ADGRL3: variants seen among roughly 807,000 people sequenced by gnomAD.
The protein encoded by ADGRL3 is calcium-independent alpha-latrotoxin receptor 3.
Under a neutral mutation model 153.5 loss-of-function variants are expected in ADGRL3, and 62 were observed. The observed-to-expected ratio is 0.40, with a 90% confidence interval of 0.33 to 0.50. The LOEUF is 0.50. Among genes scored for constraint, ADGRL3 ranks in the 20% least tolerant of loss-of-function variants. The pLI, the probability that ADGRL3 is intolerant of heterozygous loss-of-function variation, is 0.47. For missense variants in ADGRL3, 1,641 were observed against 1,859.4 expected (o/e 0.88, Z 2.16); for synonymous variants, 710 against 672.5 (o/e 1.06, Z -0.86).
chr4:61,544,099 G>A (rs1365286210), intron 4 of ADGRL3, among the ~76,000 whole-genome samples: 1 of 152,108 alleles, frequency 6.6e-6, no homozygotes, highest in Admixed American at 6.5e-5. Flanking sequence ...GTTTCCTTGG[G>A]AATATATTTA....
intron 8 of ADGRL3, among the ~76,000 whole-genome samples, chr4:61,744,609 T>G (rs1446236764): frequency 2.6e-5 from 4 of 152,222 alleles, no homozygotes; most frequent in Non-Finnish European, 2.9e-5. Flanking sequence ...AAACAGGGTC[T>G]GGAGTGGACT....
At chr4:62,029,037 A>G (rs1041634970) in intron 22 of ADGRL3, among the ~76,000 whole-genome samples, 156 bp downstream of exon 22, 1 of 151,782 alleles carries the variant, frequency 6.6e-6, no homozygotes, top group Non-Finnish European at 1.5e-5. Flanking sequence ...TACAACCTAT[A>G]TGCAGAATAA....
At chr4:61,753,556 G>C (rs978735677) in intron 8 of ADGRL3, among the ~76,000 whole-genome samples, 1 of 152,126 alleles carries the variant, frequency 6.6e-6, no homozygotes, top group Admixed American at 6.5e-5. Flanking sequence ...AAGAGGGTGA[G>C]AGAAAAACTG....
chr4:62,021,570 A>AT (rs1205864506), intron 21 of ADGRL3, among the ~76,000 whole-genome samples: 3 of 152,072 alleles, frequency 2.0e-5, no homozygotes, highest in South Asian at 4.1e-4. Context: ...CAGACATTGC[A>AT]TTTTTTACAA....
intron 5 of ADGRL3, among the ~76,000 whole-genome samples, chr4:61,642,257 A>G (rs529089907): frequency 6.6e-6 from 1 of 151,998 alleles, no homozygotes; most frequent in Non-Finnish European, 1.5e-5. Context: ...CTCTGATGGC[A>G]GTTTCTTTTG....
At chr4:61,213,560 C>A (rs577016483) in intron 1 of ADGRL3, among the ~76,000 whole-genome samples, 5 of 152,186 alleles carry the variant, frequency 3.3e-5, no homozygotes, top group African/African-American at 1.2e-4. Context: ...AACATACTGG[C>A]ATACCACTGT....
At position 61,647,141 on chromosome 4, in the gene ADGRL3, G is replaced by A. The variant is rs192598419; in HGVS notation, c.474-29685G>A. 7.4e-4 allele frequency among the ~76,000 whole-genome samples: 113 copies of A among 152,096 alleles called. 1 individual carries two copies. The highest frequency in any genetic ancestry group is 2.5e-3 in the African/African-American group (102 of 41,536). On this transcript the variant is annotated intron_variant, in intron 5 of 26. Coordinates refer to ENST00000683033, the MANE Select transcript of ADGRL3 (RefSeq NM_001387552.1). Reference sequence around the variant, plus strand: ...TGCCTCGCCCTGCTTCAGCTCCTGCGCGGTGCACTGCACCCACTGGCCTGC... The same window carrying A: ...TGCCTCGCCCTGCTTCAGCTCCTGCACGGTGCACTGCACCCACTGGCCTGC...
At chr4:61,642,804 G>GT (rs1375067684) in intron 5 of ADGRL3, among the ~76,000 whole-genome samples, 3 of 152,102 alleles carry the variant, frequency 2.0e-5, no homozygotes, top group South Asian at 2.1e-4. Context: ...CTTTAAAGTA[G>GT]TTTTTTCCAA....
intron 4 of ADGRL3, among the ~76,000 whole-genome samples, chr4:61,538,030 T>C (rs536344073): frequency 6.6e-6 from 1 of 152,354 alleles, no homozygotes; most frequent in Non-Finnish European, 1.5e-5. Flanking sequence ...TGGAGGTCTC[T>C]AAATACTCTG....
intron 25 of ADGRL3, among the ~76,000 whole-genome samples, chr4:62,065,854 A>G (rs1308760671): frequency 6.6e-6 from 1 of 151,990 alleles, no homozygotes; most frequent in Non-Finnish European, 1.5e-5. Flanking sequence ...AGTTCTCACA[A>G]TGTAAGAATT....
intron 9 of ADGRL3, among the ~76,000 whole-genome samples, chr4:61,814,239 T>TA (rs2097663356): frequency 6.6e-6 from 1 of 151,778 alleles, no homozygotes; most frequent in Non-Finnish European, 1.5e-5. Flanking sequence ...TTTTTTTTTT[T>TA]ACATTAAGAT....
At chr4:61,661,618 AAC>A (rs1460442695) in intron 5 of ADGRL3, among the ~76,000 whole-genome samples, 1 of 152,140 alleles carries the variant, frequency 6.6e-6, no homozygotes, top group Non-Finnish European at 1.5e-5. Flanking sequence ...TAAAGGAAAG[AAC>A]AGTGTTATGA....
In ADGRL3 at chr4:61,823,074, G is replaced by C. The variant is rs765273247; in HGVS notation, c.1480+9185G>C. ...TATGTCTCTAAGTAGCTATGATCAGGCTCAGTTCTCTCAACTTCACCTCTC... is the reference window on the plus strand; with the variant it reads ...TATGTCTCTAAGTAGCTATGATCAGCCTCAGTTCTCTCAACTTCACCTCTC... On this transcript the variant is annotated intron_variant, in intron 9 of 26. Coordinates refer to ENST00000683033, the MANE Select transcript of ADGRL3 (RefSeq NM_001387552.1). Among the ~76,000 whole-genome samples, 3 of 152,112 alleles carry C rather than the reference G, an allele frequency of 2.0e-5. No individual in the cohort carries two copies. The South Asian group carries it at 6.2e-4, about 32-fold the overall frequency.
chr4:61,576,869 C>T (rs1371141373), intron 4 of ADGRL3, among the ~76,000 whole-genome samples: 1 of 151,512 alleles, frequency 6.6e-6, no homozygotes, highest in Non-Finnish European at 1.5e-5. Context: ...AGGTGGATTA[C>T]GTAGACAGCA....
At chr4:61,414,708 G>C (rs780036674) in intron 2 of ADGRL3, among the ~76,000 whole-genome samples, 22 of 151,540 alleles carry the variant, frequency 1.5e-4, no homozygotes, top group Non-Finnish European at 2.7e-4. Flanking sequence ...AAATCAAAGA[G>C]GTATATTTCT....
rs115190337 is a variant in ADGRL3 at position 61,572,664 on chromosome 4, A to C, written c.260-14563A>C. Among the ~76,000 whole-genome samples the C allele has an allele frequency of 5.1e-3, 773 of 152,166 alleles. 7 individuals carry two copies. Among genetic ancestry groups the C allele is most frequent in the African/African-American group, 0.016 (673 of 41,546 alleles). On this transcript the variant is annotated intron_variant, in intron 4 of 26. Coordinates refer to ENST00000683033, the MANE Select transcript of ADGRL3 (RefSeq NM_001387552.1). ...TCTGTGACTGGTGGGATTTATTGCA[A>C]TGTGGTATCTCAAAATACTATAAAT...
In ADGRL3 at chr4:61,297,893, T is replaced by C. The variant is rs141360923; in HGVS notation, c.-239-85231T>C. On this transcript the variant is annotated intron_variant, in intron 1 of 26. Transcript: ENST00000683033. Reference sequence around the variant, plus strand: ...CTACTACTACTGACCACTATTACAGTATCATTTGCGAGACTTCCTGCTGTG... The same window carrying C: ...CTACTACTACTGACCACTATTACAGCATCATTTGCGAGACTTCCTGCTGTG... Among the ~76,000 whole-genome samples, 111 of 152,182 alleles carry C rather than the reference T, an allele frequency of 7.3e-4. 1 individual carries two copies. In the East Asian group the frequency reaches 0.013, roughly 18 times the overall value.
intron 11 of ADGRL3, among the ~76,000 whole-genome samples, chr4:61,905,254 T>C (rs2098689773): frequency 6.6e-6 from 1 of 152,172 alleles, no homozygotes; most frequent in Admixed American, 6.5e-5. Context: ...TGAATTTGAA[T>C]ACTTATACTA....
intron 8 of ADGRL3, among the ~76,000 whole-genome samples, chr4:61,789,296 T>C (rs958325305): frequency 1.1e-4 from 16 of 152,162 alleles, no homozygotes; most frequent in African/African-American, 3.6e-4. Context: ...TGTGTGTGTG[T>C]GTACACACAC....
Sources: gnomAD v4.1 joint callset for allele counts (sites outside exome capture counted in the v4.1 genomes callset) on GRCh38, gnomAD v4.1.1 for gene constraint, MANE v1.5 for transcripts, NCBI Gene and HGNC (gene_info 2026-07-23, HGNC 2026-07-21) for gene names.